Variants in USP24 observed in about 807,000 individuals in gnomAD.
USP24 encodes the protein ubiquitin specific peptidase 24, also known as ubiquitin carboxyl-terminal hydrolase 24.
Under a neutral mutation model 361.6 loss-of-function variants are expected in USP24, and 97 were observed. That is an observed-to-expected ratio of 0.27 (90% CI 0.23 to 0.32). The LOEUF is 0.32. Among genes scored for constraint, USP24 ranks in the 10% least tolerant of loss-of-function variants. The pLI, the probability that USP24 is intolerant of heterozygous loss-of-function variation, is 1.00. For missense variants in USP24, 2,353 were observed against 3,165.6 expected (o/e 0.74, Z 6.16); for synonymous variants, 1,098 against 1,124.6 (o/e 0.98, Z 0.47).
intron 54 of USP24, among the ~76,000 whole-genome samples, chr1:55,090,511 G>A (rs1645350182): frequency 6.6e-6 from 1 of 152,148 alleles, no homozygotes; most frequent in Non-Finnish European, 1.5e-5. Flanking sequence ...AAATGAAGTT[G>A]TCACTATATA....
At chr1:55,107,146 T>C in intron 40 of USP24, 93 bp downstream of exon 40, 1 of 1,424,060 alleles carries the variant, frequency 7.0e-7, no homozygotes, top group Middle Eastern at 1.9e-4. Flanking sequence ...CATGGAACAC[T>C]TGGCATCTAT....
rs996206938 is a variant in USP24 at position 55,184,218 on chromosome 1, G to A, written c.325-6086C>T. On this transcript the variant is annotated intron_variant, in intron 1 of 67. Coordinates refer to ENST00000294383, the MANE Select transcript of USP24 (RefSeq NM_015306.3). ...ATTACAGGCACACACCACCACGTCT[G>A]GCTAATTTTTGTATTTTTTATAGAG... Among the ~76,000 whole-genome samples the A allele has an allele frequency of 2.6e-5, 4 of 152,014 alleles. No individual in the cohort carries two copies. In the East Asian group the frequency reaches 7.7e-4, roughly 29 times the overall value.
intron 16 of USP24, chr1:55,152,092 G>C: frequency 1.7e-6 from 1 of 593,198 alleles, no homozygotes; most frequent in Non-Finnish European, 2.1e-6. Flanking sequence ...CTTCAGCAAT[G>C]TGTACTTTGT....
chr1:55,121,881 T>A (rs1646293310), intron 36 of USP24, among the ~76,000 whole-genome samples: 1 of 152,208 alleles, frequency 6.6e-6, no homozygotes, highest in African/African-American at 2.4e-5. Context: ...CATCTTGATT[T>A]GAAAATATCT....
chr1:55,152,894 A>G (rs1401343481), intron 16 of USP24, among the ~76,000 whole-genome samples: 2 of 152,310 alleles, frequency 1.3e-5, no homozygotes, highest in Admixed American at 1.3e-4. Flanking sequence ...CTGAGCTAAG[A>G]GTCTCTTAAT....
chr1:55,092,653 T>A (rs1645408187), intron 53 of USP24, among the ~76,000 whole-genome samples, 168 bp downstream of exon 53: 1 of 152,228 alleles, frequency 6.6e-6, no homozygotes, highest in South Asian at 2.1e-4. Context: ...TTCAGAATGC[T>A]GCTTGCATTT....
chr1:55,161,925 C>T (rs1570580970), intron 8 of USP24, among the ~76,000 whole-genome samples: 1 of 151,990 alleles, frequency 6.6e-6, no homozygotes, highest in African/African-American at 2.4e-5. Flanking sequence ...ATGCTGCCTA[C>T]TTTATAGATA....
intron 43 of USP24, among the ~76,000 whole-genome samples, chr1:55,101,284 A>C (rs1278745909): frequency 5.9e-5 from 9 of 152,232 alleles, no homozygotes; most frequent in African/African-American, 1.7e-4. Context: ...TAGACCCTAT[A>C]TATTTCTAAA....
intron 51 of USP24, 115 bp from the exon 52 acceptor site, chr1:55,094,202 G>T: frequency 9.7e-7 from 1 of 1,032,646 alleles, no homozygotes; most frequent in Non-Finnish European, 1.4e-6. Context: ...TATTATACAT[G>T]TATCGAAACA....
At chr1:55,202,607 G>A (rs1056356876) in intron 1 of USP24, among the ~76,000 whole-genome samples, 2 of 152,186 alleles carry the variant, frequency 1.3e-5, no homozygotes, top group African/African-American at 2.4e-5. Flanking sequence ...GTTTCACCCT[G>A]TTGGTCAGGC....
intron 55 of USP24, among the ~76,000 whole-genome samples, chr1:55,087,528 T>C (rs542213678): frequency 6.2e-4 from 94 of 152,238 alleles, no homozygotes; most frequent in Non-Finnish European, 1.1e-3. Flanking sequence ...AAAGATATTT[T>C]GGAATCAAAC....
rs150580109 is a variant in USP24, at chr1:55,205,538, A to G, written c.324+9252T>C. Among the ~76,000 whole-genome samples the G allele has an allele frequency of 7.2e-3, 1,090 of 152,334 alleles. 7 individuals are homozygous for G. The highest frequency in any genetic ancestry group is 0.025 in the African/African-American group (1,056 of 41,572). ...TCTAGATTTAAAAAAATAGCTCCCA[A>G]TGATGTGCTAGGAAGCAGTATACTT... On this transcript the variant is annotated intron_variant, in intron 1 of 67. Coordinates refer to ENST00000294383, the MANE Select transcript of USP24 (RefSeq NM_015306.3).
rs189667209 is a variant in USP24 at position 55,096,857 on chromosome 1, C to G, written c.5936+95G>C. 5.8e-4 allele frequency: 848 copies of G among 1,462,210 alleles called. 4 individuals carry two copies. In the African/African-American group the frequency reaches 0.011, roughly 19 times the overall value. The allele number at this position is 1,462,210 out of a possible 1,614,324, so 90.6% of individuals were successfully genotyped here. ...AAATGAAACACAGTCAAGAACAATGCCAAAGTGTCCCTGCACCACAGCGGT... is the reference window on the plus strand; with the variant it reads ...AAATGAAACACAGTCAAGAACAATGGCAAAGTGTCCCTGCACCACAGCGGT... On this transcript the variant is annotated intron_variant, in intron 49 of 67. Transcript: ENST00000294383.
intron 53 of USP24, 75 bp from the exon 54 acceptor site, chr1:55,092,201 TATG>T: frequency 1.1e-6 from 1 of 938,610 alleles, no homozygotes; most frequent in Non-Finnish European, 1.6e-6. Flanking sequence ...CGAACTAAAT[TATG>T]ATACACACAC....
At position 55,103,981 on chromosome 1, in the gene USP24, G is replaced by C. The variant is rs1645707785; in HGVS notation, c.4920C>G (p.Val1640=). Residue 1640 remains valine, a synonymous_variant, in exon 42 of 68, where the codon GTC becomes GTG. Coordinates refer to ENST00000294383, the MANE Select transcript of USP24 (RefSeq NM_015306.3). ...TANSRLAAYE[V]LVMLADSSPS... is the part of the protein sequence containing the mutation. ...GTGAACTATCAGCCAACATCACAAG[G>C]ACTTCATAGGCTGCCAATCGGCTAT... is the stretch of plus-strand genomic sequence containing the variant. 6.2e-7 allele frequency: 1 copy of C among 1,611,010 alleles called. No individual in the cohort carries two copies. The highest frequency in any genetic ancestry group is 8.5e-7 in the Non-Finnish European group (1 of 1,178,612).
chr1:55,109,397 AT>A (rs1442792695), intron 39 of USP24, among the ~76,000 whole-genome samples: 2 of 152,166 alleles, frequency 1.3e-5, no homozygotes, highest in African/African-American at 4.8e-5. Flanking sequence ...TTTGTATGAA[AT>A]TTCTTTTAGA....
At chr1:55,171,764 C>T in intron 4 of USP24, 86 bp from the exon 5 acceptor site, 1 of 1,393,742 alleles carries the variant, frequency 7.2e-7, no homozygotes, top group Admixed American at 2.3e-5. Flanking sequence ...AAAATATAGC[C>T]TTTGACTCCC....
In USP24 at chr1:55,106,197, C is replaced by G; in HGVS notation, c.4829G>C (p.Ser1610Thr). 2 of 1,613,920 alleles carry G rather than the reference C, an allele frequency of 1.2e-6. No homozygotes were observed. Among genetic ancestry groups the G allele is most frequent in the Middle Eastern group, 1.6e-4 (1 of 6,062 alleles). The change falls in exon 41 of 68, where the codon AGT becomes ACT. Residue 1610 changes from serine to threonine, a missense_variant. Physicochemically the swap from Ser to Thr is moderately conservative, Grantham distance 58. Around this residue, in one of 8 missense-constraint regions of USP24, gnomAD observed 949 missense variants for 1,280.5 expected, o/e 0.74. Transcript: ENST00000294383. ...GGCGGCACTGCCAGCTGGAGAATGACTATTTAAAATAATTCTAGAAGCTCG... is the reference window on the plus strand; with the variant it reads ...GGCGGCACTGCCAGCTGGAGAATGAGTATTTAAAATAATTCTAGAAGCTCG... ...LFRASRIILN[S>T]HSPAGSAAIS...
chr1:55,072,320 A>G lies in USP24; in HGVS notation c.7686T>C (p.Ala2562=), dbSNP rs1283396550. 12 of 1,613,292 alleles carry G rather than the reference A, an allele frequency of 7.4e-6. No individual in the cohort carries two copies. The highest frequency in any genetic ancestry group is 1.0e-5 in the Non-Finnish European group (12 of 1,179,646). ...TGKTFQRTIS[A]QDTLAYATAL... is the part of the protein sequence containing the mutation. ...AAAAACAAGAGACAACTCTCACCTGAGCTGAAATGGTTCGCTGAAAGGTTT... is the reference window on the plus strand; with the variant it reads ...AAAAACAAGAGACAACTCTCACCTGGGCTGAAATGGTTCGCTGAAAGGTTT... Residue 2562 remains alanine (A), a synonymous_variant, in exon 66 of 68, where the codon GCT becomes GCC. Coordinates refer to ENST00000294383, the MANE Select transcript of USP24 (RefSeq NM_015306.3).
Sources: gnomAD v4.1 joint callset for allele counts (sites outside exome capture counted in the v4.1 genomes callset) on GRCh38, gnomAD v4.1.1 for gene constraint, gnomAD v4.1.1 regional missense constraint, MANE v1.5 for transcripts, NCBI Gene and HGNC (gene_info 2026-07-23, HGNC 2026-07-21) for gene names.